CNKSR2: variants seen among roughly 807,000 people sequenced by gnomAD.
The protein encoded by CNKSR2 is CNK homolog protein 2.
A neutral mutation model predicts 84.4 loss-of-function variants in CNKSR2; 14 were observed. That is an observed-to-expected ratio of 0.17 (90% CI 0.11 to 0.26). The LOEUF is 0.26. CNKSR2 is among the 10% of genes least tolerant of loss of function. The probability of loss-of-function intolerance (pLI) is 1.00; values close to 1 mark genes in which losing one functional copy is unlikely to be tolerated. For missense variants in CNKSR2, 485 were observed against 771.2 expected, an observed-to-expected ratio of 0.63 and a Z score of 4.40; for synonymous variants, 275 against 277.9, an observed-to-expected ratio of 0.99 and a Z score of 0.10.
chrX:21,428,200 G>A (rs1211304333), intron 2 of CNKSR2: 1 of 111,741 alleles, frequency 8.9e-6, no homozygotes, highest in Non-Finnish European at 1.9e-5. Context: ...CATAAAAGAT[G>A]CTAAATTAAT....
intron 5 of CNKSR2, among the ~76,000 whole-genome samples, chrX:21,480,722 G>A (rs770592438): frequency 1.8e-5 from 2 of 111,840 alleles, no homozygotes; most frequent in South Asian, 7.6e-4. Flanking sequence ...CTGAAAGTAG[G>A]CTCGAAGTGT....
intron 19 of CNKSR2, among the ~76,000 whole-genome samples, chrX:21,607,634 T>G (rs1177221827): frequency 1.8e-5 from 2 of 110,637 alleles, no homozygotes; most frequent in Non-Finnish European, 3.8e-5. Flanking sequence ...TGAAACCCCA[T>G]CTCTACTAAA....
chrX:21,581,020 C>A (rs182071676), intron 13 of CNKSR2, among the ~76,000 whole-genome samples: 16 of 111,639 alleles, frequency 1.4e-4, no homozygotes, highest in Non-Finnish European at 2.8e-4. Context: ...TCAGGCACCC[C>A]AAAATAGCTG....
chrX:21,504,547 T>C (rs2091593159), intron 8 of CNKSR2: 3 of 209,418 alleles, frequency 1.4e-5, no homozygotes, highest in African/African-American at 8.7e-5. Context: ...AATCTGATAT[T>C]TTTCTTTACT....
chrX:21,457,163 G>A (rs912599094), intron 4 of CNKSR2, among the ~76,000 whole-genome samples: 3 of 111,393 alleles, frequency 2.7e-5, no homozygotes, highest in Admixed American at 9.6e-5. Context: ...CTCCCATTCT[G>A]TAGGTTGCCT....
At chrX:21,457,188 T>C (rs1163105727) in intron 4 of CNKSR2, among the ~76,000 whole-genome samples, 1 of 111,847 alleles carries the variant, frequency 8.9e-6, no homozygotes, top group Non-Finnish European at 1.9e-5. Context: ...ATTTTGTTGA[T>C]TCTTTCTTTT....
At chrX:21,573,194 G>A (rs895001496) in intron 13 of CNKSR2, among the ~76,000 whole-genome samples, 3 of 112,288 alleles carry the variant, frequency 2.7e-5, no homozygotes, top group African/African-American at 9.7e-5. Context: ...GCAAGCGGTG[G>A]GGTCCCACAG....
rs913145688 is a variant in CNKSR2, at chrX:21,417,715, C to G, written c.65-8782C>G. The stretch of plus-strand genomic sequence containing the variant: ...TCTATTTTTCCTGATATGAGTATAG[C>G]TACTCCTGCTCTTTTTGGGTTTCCA... On this transcript the variant is annotated intron_variant, in intron 1 of 21. Transcript: ENST00000379510. Among the ~76,000 whole-genome samples the G allele has an allele frequency of 6.3e-5, 7 of 111,492 alleles. No individual in the cohort carries two copies. In the Admixed American group the frequency reaches 6.7e-4, roughly 11 times the overall value.
intron 1 of CNKSR2, among the ~76,000 whole-genome samples, chrX:21,380,044 G>A (rs1023426862): frequency 3.6e-5 from 4 of 110,998 alleles, no homozygotes; most frequent in Non-Finnish European, 7.6e-5. Flanking sequence ...GGAGAGAGGT[G>A]GGCAGTAGAG....
At position 21,480,145 on chromosome X, in the gene CNKSR2, C is replaced by T. The variant is rs111264827; in HGVS notation, c.561+9338C>T. On this transcript the variant is annotated intron_variant, in intron 5 of 21. Coordinates refer to ENST00000379510, the MANE Select transcript of CNKSR2 (RefSeq NM_014927.5). Reference sequence around the variant, plus strand: ...AAATGCTTAGAGTCCAATCCATTGTCACAGAGCAAGCACTGAAGGATGAAT... The same window carrying T: ...AAATGCTTAGAGTCCAATCCATTGTTACAGAGCAAGCACTGAAGGATGAAT... Among the ~76,000 whole-genome samples, 1,095 of 111,469 alleles carry T rather than the reference C, an allele frequency of 9.8e-3. 14 individuals carry two copies. Among genetic ancestry groups the T allele is most frequent in the African/African-American group, 0.032 (995 of 30,696 alleles).
chrX:21,454,633 T>C (rs893667450), intron 4 of CNKSR2, among the ~76,000 whole-genome samples: 1 of 112,163 alleles, frequency 8.9e-6, no homozygotes, highest in Non-Finnish European at 1.9e-5. Context: ...TCTAAGTTTA[T>C]TCTTAGAGAT....
intron 1 of CNKSR2, among the ~76,000 whole-genome samples, chrX:21,383,172 CCT>C (rs768677195): frequency 3.6e-5 from 4 of 111,953 alleles, no homozygotes; most frequent in Non-Finnish European, 5.7e-5. Context: ...GCAATTGTGC[CCT>C]GATTTGACTT....
At chrX:21,431,676 C>T (rs182953328) in intron 2 of CNKSR2, among the ~76,000 whole-genome samples, 16 of 111,918 alleles carry the variant, frequency 1.4e-4, no homozygotes, top group African/African-American at 4.8e-4. Flanking sequence ...TGTTTTACAA[C>T]ACACAATTAG....
At chrX:21,376,186 C>T (rs957213295) in intron 1 of CNKSR2, among the ~76,000 whole-genome samples, 2 of 112,270 alleles carry the variant, frequency 1.8e-5, no homozygotes, top group East Asian at 5.6e-4. Context: ...TAATTTAGAA[C>T]GAAAGGTGAG....
At chrX:21,502,773 A>G (rs989576394) in intron 8 of CNKSR2, among the ~76,000 whole-genome samples, 2 of 111,588 alleles carry the variant, frequency 1.8e-5, no homozygotes, top group African/African-American at 3.2e-5. Context: ...TGTACCTTTG[A>G]CACTGAATAA....
At position 21,415,235 on chromosome X, in the gene CNKSR2, G is replaced by A. The variant is rs112603589; in HGVS notation, c.65-11262G>A. On this transcript the variant is annotated intron_variant, in intron 1 of 21. Transcript: ENST00000379510. ...GTGGTTTCTTCCATTTCTTGCATCA[G>A]TGTTTTATAGTTTTCATTGTAGAGA... Among the ~76,000 whole-genome samples the A allele has an allele frequency of 9.6e-3, 1,069 of 111,121 alleles. 13 individuals carry two copies. The highest frequency in any genetic ancestry group is 0.032 in the African/African-American group (983 of 30,562).
rs753956594 is a variant in CNKSR2, at chrX:21,431,625, A to C, written c.229-987A>C. ...GTGCATGCTGCTAAGTGTTTTAATCAAGGTTATCCTTGGATAATATTAACC... is the reference window on the plus strand; with the variant it reads ...GTGCATGCTGCTAAGTGTTTTAATCCAGGTTATCCTTGGATAATATTAACC... On this transcript the variant is annotated intron_variant, in intron 2 of 21. Coordinates refer to ENST00000379510, the MANE Select transcript of CNKSR2 (RefSeq NM_014927.5). Among the ~76,000 whole-genome samples, 6 of 111,726 alleles carry C rather than the reference A, an allele frequency of 5.4e-5. 1 individual carries two copies. The South Asian group carries it at 2.2e-3, about 42-fold the overall frequency.
At chrX:21,410,747 A>G (rs1330671070) in intron 1 of CNKSR2, among the ~76,000 whole-genome samples, 1 of 111,209 alleles carries the variant, frequency 9.0e-6, no homozygotes, top group Admixed American at 9.6e-5. Flanking sequence ...CTAGTATTTT[A>G]GAACACGTTT....
chrX:21,537,746 G>A (rs956090137), intron 11 of CNKSR2: 6 of 106,681 alleles, frequency 5.6e-5, no homozygotes, highest in African/African-American at 2.0e-4. Flanking sequence ...GTGTCTACAG[G>A]TGAAGTGAGC....
Sources: allele counts gnomAD v4.1 joint callset (sites outside exome capture counted in the v4.1 genomes callset), GRCh38; gene constraint gnomAD v4.1.1; transcripts MANE v1.5; gene names NCBI Gene and HGNC (gene_info 2026-07-23, HGNC 2026-07-21).